UBAP2L: variants seen among roughly 807,000 people sequenced by gnomAD.
The protein encoded by UBAP2L is ubiquitin associated protein 2 like, also known as ubiquitin-associated protein 2-like.
A neutral mutation model predicts 130.6 loss-of-function variants in UBAP2L; 12 were observed. That is an observed-to-expected ratio of 0.09 (90% CI 0.06 to 0.15). The LOEUF (loss-of-function observed/expected upper bound fraction) is 0.15, where lower values mean the gene tolerates loss of function less well. UBAP2L is among the 10% of genes least tolerant of loss of function. UBAP2L has a pLI of 1.00. For missense variants in UBAP2L, 965 were observed against 1,332.5 expected (o/e 0.72, Z 4.29); for synonymous variants, 503 against 524.7 (o/e 0.96, Z 0.57).
At chr1:154,250,731 G>A (rs1488685174) in intron 12 of UBAP2L, among the ~76,000 whole-genome samples, 1 of 151,678 alleles carries the variant, frequency 6.6e-6, no homozygotes, top group African/African-American at 2.4e-5. Flanking sequence ...GCGCGCGCCT[G>A]TAGTCCCAGC....
At chr1:154,258,062 G>A (rs1680236754) in intron 20 of UBAP2L, among the ~76,000 whole-genome samples, 1 of 152,132 alleles carries the variant, frequency 6.6e-6, no homozygotes, top group Admixed American at 6.5e-5. Context: ...TTGAACTCCT[G>A]GGCTCAAGCA....
chr1:154,263,288 T>A (rs1449013009), intron 24 of UBAP2L: 1 of 1,482,958 alleles, frequency 6.7e-7, no homozygotes, highest in African/African-American at 1.4e-5. Flanking sequence ...AATGAGTTGG[T>A]GGATACCTTC....
chr1:154,254,415 CTGGCA>C (rs992202217), intron 15 of UBAP2L, among the ~76,000 whole-genome samples: 2 of 152,182 alleles, frequency 1.3e-5, no homozygotes, highest in African/African-American at 4.8e-5. Context: ...TTGCTAAGTC[CTGGCA>C]TGGTGAGGGA....
intron 21 of UBAP2L, among the ~76,000 whole-genome samples, chr1:154,259,523 G>A (rs1680816472): frequency 6.6e-6 from 1 of 151,602 alleles, no homozygotes. Flanking sequence ...TCAGAGTTGT[G>A]GCATCTTAGT....
chr1:154,264,955 G>A (rs1270280931), intron 24 of UBAP2L, among the ~76,000 whole-genome samples: 2 of 152,072 alleles, frequency 1.3e-5, no homozygotes, highest in Non-Finnish European at 1.5e-5. Flanking sequence ...TGGGCACCTC[G>A]GGTTTGAAAA....
At chr1:154,241,607 C>G in intron 9 of UBAP2L, 42 bp downstream of exon 9, 5 of 1,610,920 alleles carry the variant, frequency 3.1e-6, no homozygotes, top group Non-Finnish European at 1.7e-6. Context: ...CCTTCTATCC[C>G]TAAGTGTTGT....
chr1:154,257,270 T>C lies in UBAP2L; in HGVS notation c.2353+12T>C, dbSNP rs1454769467. ...TGCTACGACTTCAGGTAGCCTTGCA[T>C]AAGCAGATGGCATTCCTCTGGGATG... On this transcript the variant is annotated intron_variant, in intron 19 of 26. Transcript: ENST00000428931. 1 of 1,614,218 alleles carries C rather than the reference T, an allele frequency of 6.2e-7. No homozygotes were observed. The highest frequency in any genetic ancestry group is 1.7e-5 in the Admixed American group (1 of 60,034).
chr1:154,227,214 A>C (rs1668242853), intron 2 of UBAP2L, 68 bp from the exon 3 acceptor site: 2 of 1,403,956 alleles, frequency 1.4e-6, no homozygotes, highest in South Asian at 2.3e-5. Context: ...GAGGCTGACG[A>C]AATAGGTTCC....
At chr1:154,245,401 C>G (rs1264122756) in intron 10 of UBAP2L, among the ~76,000 whole-genome samples, 1 of 152,118 alleles carries the variant, frequency 6.6e-6, no homozygotes, top group Non-Finnish European at 1.5e-5. Context: ...AGGCAAAGCT[C>G]AAGTATATAT....
chr1:154,245,081 G>A (rs990066853), intron 10 of UBAP2L, among the ~76,000 whole-genome samples: 7 of 152,092 alleles, frequency 4.6e-5, no homozygotes, highest in South Asian at 2.1e-4. Flanking sequence ...GTAGGCACCC[G>A]CCACCACGCC....
At chr1:154,266,350 T>C in intron 24 of UBAP2L, 151 bp from the exon 25 acceptor site, 2 of 761,262 alleles carry the variant, frequency 2.6e-6, no homozygotes, top group Non-Finnish European at 4.7e-6. Context: ...TCATGAACTC[T>C]TACCTCTCAG....
downstream of UBAP2L, chr1:154,271,312 C>G (rs923685360): frequency 3.5e-5 from 7 of 200,748 alleles, no homozygotes; most frequent in African/African-American, 1.6e-4. Context: ...TATCGTCTGG[C>G]AGAACTAAAT....
chr1:154,223,101 A>C (rs1666820789), intron 1 of UBAP2L, among the ~76,000 whole-genome samples: 1 of 142,202 alleles, frequency 7.0e-6, no homozygotes, highest in Non-Finnish European at 1.5e-5. Context: ...CCTGTTGCTC[A>C]GTGTTGTCAC....
At chr1:154,233,277 A>G (rs1670465965) in intron 4 of UBAP2L, among the ~76,000 whole-genome samples, 1 of 151,286 alleles carries the variant, frequency 6.6e-6, no homozygotes, top group South Asian at 2.1e-4. Flanking sequence ...GGCCTCCCAA[A>G]GTGCTGGAAT....
chr1:154,263,440 TGTA>T (rs1682257712), intron 24 of UBAP2L: 1 of 1,212,624 alleles, frequency 8.2e-7, no homozygotes, highest in Non-Finnish European at 1.0e-6. Context: ...CTGGAAGGCA[TGTA>T]GTTTCAACTT....
intron 10 of UBAP2L, among the ~76,000 whole-genome samples, chr1:154,245,591 C>T (rs184854293): frequency 2.0e-5 from 3 of 152,144 alleles, no homozygotes. Context: ...TAAGTTTTGG[C>T]TGAGTTATTG....
At chr1:154,253,754 T>G (rs1336405365) in intron 14 of UBAP2L, 146 bp from the exon 15 acceptor site, 1 of 730,136 alleles carries the variant, frequency 1.4e-6, no homozygotes, top group Non-Finnish European at 2.2e-6. Context: ...CAGGAGGAAA[T>G]TTTGGTAGAT....
At chr1:154,225,800 C>T (rs1667733665) in intron 2 of UBAP2L, among the ~76,000 whole-genome samples, 1 of 152,160 alleles carries the variant, frequency 6.6e-6, no homozygotes, top group Non-Finnish European at 1.5e-5. Context: ...TTTCTTAGAC[C>T]TTCCACCTTG....
At chr1:154,223,307 A>G (rs967269766) in intron 1 of UBAP2L, among the ~76,000 whole-genome samples, 4 of 152,226 alleles carry the variant, frequency 2.6e-5, no homozygotes, top group African/African-American at 7.2e-5. Flanking sequence ...TATACCTGCA[A>G]TATAACTTAT....
Sources: gnomAD v4.1 joint callset for allele counts (sites outside exome capture counted in the v4.1 genomes callset) on GRCh38, gnomAD v4.1.1 for gene constraint, MANE v1.5 for transcripts, NCBI Gene and HGNC (gene_info 2026-07-23, HGNC 2026-07-21) for gene names.